Variants in PRKCH observed in about 807,000 individuals in gnomAD.
PRKCH encodes protein kinase C eta.
Under a neutral mutation model 82.5 loss-of-function variants are expected in PRKCH, and 28 were observed. The observed-to-expected ratio is 0.34, with a 90% CI of 0.25 to 0.47. PRKCH has a LOEUF of 0.47. Ranked by LOEUF, PRKCH falls within the 20% of genes least tolerant of loss-of-function variation. The pLI is 1.00. For synonymous variants in PRKCH, 322 were observed against 327.4 expected (o/e 0.98, Z 0.18); for missense variants, 705 against 881.8 (o/e 0.80, Z 2.54).
chr14:61,243,998 C>G (rs922771394), intron 1 of PRKCH, among the ~76,000 whole-genome samples: 9 of 151,796 alleles, frequency 5.9e-5, no homozygotes, highest in Non-Finnish European at 1.3e-4. Flanking sequence ...ATACAGGGAG[C>G]CTTGGATTTT....
At chr14:61,191,161 C>G (rs746585001) in intron 1 of PRKCH, among the ~76,000 whole-genome samples, 4 of 152,202 alleles carry the variant, frequency 2.6e-5, no homozygotes, top group Non-Finnish European at 5.9e-5. Context: ...TCTGACTTCT[C>G]TCAGCCTGAA....
At chr14:61,210,160 AT>A (rs1427978683) in intron 1 of PRKCH, among the ~76,000 whole-genome samples, 1,142 of 112,232 alleles carry the variant, frequency 0.01, 41 homozygotes, top group East Asian at 0.018. Flanking sequence ...ATATATATAT[AT>A]AAATTAGCTT....
intron 1 of PRKCH, among the ~76,000 whole-genome samples, chr14:61,329,300 G>A (rs940652239): frequency 1.6e-5 from 2 of 121,682 alleles, no homozygotes; most frequent in Non-Finnish European, 3.2e-5. Flanking sequence ...ACAGTGGCAC[G>A]ATCTCGGCTC....
At chr14:61,217,600 C>T (rs946226180) in intron 1 of PRKCH, among the ~76,000 whole-genome samples, 6 of 152,170 alleles carry the variant, frequency 3.9e-5, no homozygotes, top group Non-Finnish European at 7.4e-5. Context: ...ATAGGATCAC[C>T]TCAGCCTCAA....
intron 9 of PRKCH, among the ~76,000 whole-genome samples, chr14:61,459,936 C>A (rs1439959431): frequency 1.3e-5 from 2 of 152,176 alleles, no homozygotes; most frequent in Non-Finnish European, 2.9e-5. Context: ...CTCAAGCTCC[C>A]AGGCTAAAGC....
intron 10 of PRKCH, among the ~76,000 whole-genome samples, chr14:61,505,827 C>T (rs903668266): frequency 6.6e-6 from 1 of 152,074 alleles, no homozygotes; most frequent in Non-Finnish European, 1.5e-5. Context: ...CAGTCTATAG[C>T]AGTATTTTAT....
At chr14:61,275,619 G>A (rs11847122) in intron 1 of PRKCH, among the ~76,000 whole-genome samples, 11,901 of 152,154 alleles carry the variant, frequency 0.078, 1,517 homozygotes, top group African/African-American at 0.27. Context: ...GCCACCATTC[G>A]CTTACTAAAT....
chr14:61,210,415 C>A (rs1166172167), intron 1 of PRKCH, among the ~76,000 whole-genome samples: 2 of 151,950 alleles, frequency 1.3e-5, no homozygotes, highest in African/African-American at 4.8e-5. Context: ...TCTTGGGCAC[C>A]AACTACCCAC....
chr14:61,316,665 T>C (rs2045563912), upstream of PRKCH, among the ~76,000 whole-genome samples: 1 of 152,230 alleles, frequency 6.6e-6, no homozygotes, highest in Non-Finnish European at 1.5e-5. Context: ...GAAGTTGGTA[T>C]TGGCAGACAA....
rs1290271579 is a variant in PRKCH at position 61,280,437 on chromosome 14, G to T, written c.-19+92769G>T. ...TGAAGCCGGTGTTGTTGGGGTCGGGGCTGAGCTCGTAGACTGGCCGGCGCC... is the reference window on the plus strand; with the variant it reads ...TGAAGCCGGTGTTGTTGGGGTCGGGTCTGAGCTCGTAGACTGGCCGGCGCC... On this transcript the variant is annotated intron_variant, in intron 1 of 3. Transcript: ENST00000555185. The surrounding 1 kb of genome is among the most constrained non-coding windows in gnomAD (Gnocchi z 5.0). 1.2e-6 allele frequency: 2 copies of T among 1,613,884 alleles called. No homozygotes were observed. The highest frequency in any genetic ancestry group is 2.7e-5 in the African/African-American group (2 of 74,944).
At chr14:61,258,565 A>G (rs2045018691) in intron 1 of PRKCH, among the ~76,000 whole-genome samples, 2 of 152,214 alleles carry the variant, frequency 1.3e-5, no homozygotes, top group Non-Finnish European at 2.9e-5. Flanking sequence ...CCTATGTTTC[A>G]AAACATTACT....
intron 1 of PRKCH, among the ~76,000 whole-genome samples, chr14:61,362,665 G>A (rs1253121377): frequency 6.6e-6 from 1 of 152,178 alleles, no homozygotes; most frequent in Non-Finnish European, 1.5e-5. Flanking sequence ...CATAAGGAAA[G>A]GAAATGAAGG....
chr14:61,253,408 T>C (rs1321027542), intron 1 of PRKCH, among the ~76,000 whole-genome samples: 1 of 152,078 alleles, frequency 6.6e-6, no homozygotes, highest in Non-Finnish European at 1.5e-5. Flanking sequence ...GGAGATGTGT[T>C]TGAGATAGGT....
Position 61,374,463 on chromosome 14 carries a change from A to G in PRKCH, c.364-16762A>G, listed in dbSNP as rs112988713. ...CTTTGCAGTGCCCTCATAGAGGTTC[A>G]CCATGAGGGCTCCATCCCTGCAGCA... On this transcript the variant is annotated intron_variant, in intron 1 of 13. Transcript: ENST00000332981. 2.5e-3 allele frequency among the ~76,000 whole-genome samples: 382 copies of G among 152,142 alleles called. 10 individuals carry two copies. The highest frequency in any genetic ancestry group is 0.017 in the Middle Eastern group (5 of 294).
chr14:61,332,820 C>T (rs945550040), intron 1 of PRKCH, among the ~76,000 whole-genome samples: 1 of 152,168 alleles, frequency 6.6e-6, no homozygotes, highest in African/African-American at 2.4e-5. Flanking sequence ...CTCCACCTCT[C>T]GTGTCGCAAG....
chr14:61,392,009 A>G (rs1169216854), intron 2 of PRKCH, among the ~76,000 whole-genome samples: 5 of 152,190 alleles, frequency 3.3e-5, no homozygotes, highest in South Asian at 4.1e-4. Flanking sequence ...GGAATTATAC[A>G]GTATATTCTC....
Position 61,549,991 on chromosome 14 carries a change from A to C in PRKCH, c.*160A>C. Reference sequence around the variant, plus strand: ...GTGAAGGATGGAACTTTCAGATATCAACTATTTAGAGTCCAGAGGGAGCCA... The same window carrying C: ...GTGAAGGATGGAACTTTCAGATATCCACTATTTAGAGTCCAGAGGGAGCCA... On this transcript the variant is annotated 3_prime_UTR_variant, in exon 14 of 14. Coordinates refer to ENST00000332981, the MANE Select transcript of PRKCH (RefSeq NM_006255.5). The C allele has an allele frequency of 5.5e-6, 4 of 724,468 alleles. No individual in the cohort carries two copies. Among genetic ancestry groups the C allele is most frequent in the Non-Finnish European group, 8.8e-6 (4 of 455,986 alleles). 44.9% of individuals were successfully genotyped at this position (724,468 alleles called of 1,614,324 possible).
rs145795985 is a variant in PRKCH, at chr14:61,321,918, A to C, written c.-184A>C. 4 of 556,996 alleles carry C rather than the reference A, an allele frequency of 7.2e-6. No homozygotes were observed. Among genetic ancestry groups the C allele is most frequent in the Non-Finnish European group, 9.2e-6 (3 of 325,540 alleles). The allele number at this position is 556,996 out of a possible 1,614,324, so 34.5% of individuals were successfully genotyped here. On this transcript the variant is annotated 5_prime_UTR_variant, in exon 1 of 14. Transcript: ENST00000332981. The surrounding 1 kb of genome is among the most constrained non-coding windows in gnomAD (Gnocchi z 4.1). The stretch of plus-strand genomic sequence containing the variant: ...CTCCTTTCCACCTCGGGAGGGAGGG[A>C]AGGAGGGGAGGGAAAAGTCCCACGG...
chr14:61,416,711 A>G (rs1882579364), intron 2 of PRKCH, among the ~76,000 whole-genome samples: 1 of 151,590 alleles, frequency 6.6e-6, no homozygotes, highest in African/African-American at 2.4e-5. Context: ...CAAGAGTGAT[A>G]GTAAGTAAAC....
Sources: gnomAD v4.1 joint callset for allele counts (sites outside exome capture counted in the v4.1 genomes callset) on GRCh38, gnomAD v4.1.1 for gene constraint, Gnocchi (gnomAD v3.1) non-coding constraint, MANE v1.5 for transcripts, NCBI Gene and HGNC (gene_info 2026-07-23, HGNC 2026-07-21) for gene names.